Variants in KHDRBS2 observed in about 807,000 individuals in gnomAD.
KHDRBS2 encodes the protein KH domain-containing, RNA-binding, signal transduction-associated protein 2.
KHDRBS2 carries 26 observed loss-of-function variants against 44.3 expected under a neutral mutation model. The ratio of observed to expected loss-of-function variants is 0.59; its 90% CI spans 0.43 to 0.81. The LOEUF (loss-of-function observed/expected upper bound fraction) is 0.81. Among genes scored for constraint, KHDRBS2 ranks in the 40% least tolerant of loss-of-function variants. The pLI is 0.00. For missense variants in KHDRBS2, 476 were observed against 433.1 expected (o/e 1.10, Z -0.88); for synonymous variants, 194 against 151.1 (o/e 1.28, Z -2.08).
intron 3 of KHDRBS2, among the ~76,000 whole-genome samples, chr6:61,984,897 C>G (rs1452157951): frequency 2.6e-5 from 4 of 152,160 alleles, no homozygotes; most frequent in Non-Finnish European, 4.4e-5. Context: ...AAAGTATGTA[C>G]CACATTACAT....
At chr6:61,930,546 G>GAAAAAAAAAAAAAA (rs1439236595) in intron 4 of KHDRBS2, among the ~76,000 whole-genome samples, 20 of 47,596 alleles carry the variant, frequency 4.2e-4, no homozygotes, top group South Asian at 7.9e-4. Flanking sequence ...AAAAAAAAAA[G>GAAAAAAAAAAAAAA]AAAAAAAAAA....
At chr6:61,697,289 A>T (rs145961347) in intron 7 of KHDRBS2, 36 bp from the exon 8 acceptor site, 1 of 1,368,338 alleles carries the variant, frequency 7.3e-7, no homozygotes, top group Admixed American at 1.7e-5. Context: ...ATGTTACTAT[A>T]ACCAGGAAAT....
chr6:62,009,399 C>T (rs558079771), intron 3 of KHDRBS2, among the ~76,000 whole-genome samples: 1 of 152,088 alleles, frequency 6.6e-6, no homozygotes, highest in Non-Finnish European at 1.5e-5. Flanking sequence ...AGAAACAGAG[C>T]ATAAAAGTTT....
chr6:61,610,731 C>A, the KHDRBS2 span, among the ~76,000 whole-genome samples: 1 of 152,158 alleles, frequency 6.6e-6, no homozygotes, highest in African/African-American at 2.4e-5. Context: ...TTCCCAATGC[C>A]TTCTAAGACA....
rs1349613332 is a variant in KHDRBS2, at chr6:61,955,550, GTATGTATACATGTGTA to G, written c.483+22500_483+22515del. ...TATACATGTGTATATATACACATAT[GTATGTATACATGTGTA>G]TATATACACGTATGTATGTATGTAT... On this transcript the variant is annotated intron_variant, in intron 4 of 8. Transcript: ENST00000281156. 3.9e-4 allele frequency among the ~76,000 whole-genome samples: 26 copies of G among 67,440 alleles called. 5 individuals carry two copies. The South Asian group carries it at 4.0e-3, about 10-fold the overall frequency. 44.2% of individuals were successfully genotyped at this position (67,440 alleles called of 152,430 possible).
intron 6 of KHDRBS2, among the ~76,000 whole-genome samples, chr6:61,797,639 A>G (rs1411786524): frequency 2.6e-5 from 4 of 151,966 alleles, no homozygotes; most frequent in African/African-American, 9.7e-5. Context: ...CCCCACATGC[A>G]TTAACCCAAC....
intron 8 of KHDRBS2, among the ~76,000 whole-genome samples, chr6:61,695,006 A>AT (rs1767749473): frequency 6.6e-6 from 1 of 151,682 alleles, no homozygotes; most frequent in African/African-American, 2.4e-5. Context: ...TGGATTAATT[A>AT]TTTACTTTTT....
intron 6 of KHDRBS2, among the ~76,000 whole-genome samples, chr6:61,760,899 T>A (rs1419958952): frequency 6.6e-6 from 1 of 152,246 alleles, no homozygotes; most frequent in East Asian, 1.9e-4. Flanking sequence ...TGAACAGTTT[T>A]GAAATTTTCT....
intron 2 of KHDRBS2, among the ~76,000 whole-genome samples, chr6:62,104,205 C>A (rs552291497): frequency 6.6e-6 from 1 of 152,172 alleles, no homozygotes; most frequent in Non-Finnish European, 1.5e-5. Context: ...CTTTAGAACA[C>A]TCTATTCAAA....
At chr6:61,794,464 G>A (rs4710489) in intron 6 of KHDRBS2, among the ~76,000 whole-genome samples, 57,326 of 152,008 alleles carry the variant, frequency 0.38, 11,979 homozygotes, top group African/African-American at 0.57. Flanking sequence ...GCATTTGTAC[G>A]TTTTAGTGGT....
At chr6:61,829,904 T>C (rs1378614804) in intron 6 of KHDRBS2, among the ~76,000 whole-genome samples, 1 of 152,110 alleles carries the variant, frequency 6.6e-6, no homozygotes, top group Admixed American at 6.6e-5. Context: ...AACATGCAGA[T>C]AGGAGACACA....
chr6:62,138,830 G>A (rs1326624564), intron 2 of KHDRBS2, among the ~76,000 whole-genome samples: 1 of 152,078 alleles, frequency 6.6e-6, no homozygotes, highest in African/African-American at 2.4e-5. Flanking sequence ...AAAATACAAG[G>A]TTAAATATAA....
intron 8 of KHDRBS2, among the ~76,000 whole-genome samples, chr6:61,685,483 A>T (rs1035572629): frequency 6.6e-6 from 1 of 151,888 alleles, no homozygotes; most frequent in Non-Finnish European, 1.5e-5. Context: ...AGGCATTATT[A>T]GCAATTAGGT....
chr6:62,229,096 TTA>T (rs1387579228), intron 1 of KHDRBS2, among the ~76,000 whole-genome samples: 2 of 152,112 alleles, frequency 1.3e-5, no homozygotes, highest in Non-Finnish European at 2.9e-5. Context: ...TTCCTCAGAA[TTA>T]GCAGGAGGAA....
chr6:62,235,659 A>C (rs1389709105), intron 1 of KHDRBS2, among the ~76,000 whole-genome samples: 1 of 152,092 alleles, frequency 6.6e-6, no homozygotes, highest in East Asian at 1.9e-4. Context: ...AGTGACACTT[A>C]TTTAAAAGAT....
At chr6:61,693,061 T>C (rs1767541428) in intron 8 of KHDRBS2, among the ~76,000 whole-genome samples, 1 of 152,072 alleles carries the variant, frequency 6.6e-6, no homozygotes, top group African/African-American at 2.4e-5. Context: ...GATATGAGAT[T>C]TATATTTTGG....
intron 1 of KHDRBS2, among the ~76,000 whole-genome samples, chr6:62,239,529 C>T (rs1171742018): frequency 1.3e-5 from 2 of 151,866 alleles, no homozygotes; most frequent in South Asian, 2.1e-4. Context: ...GCCAAGATCA[C>T]GCTGCTGCAC....
At chr6:62,122,247 A>T (rs1807837860) in intron 2 of KHDRBS2, among the ~76,000 whole-genome samples, 1 of 152,136 alleles carries the variant, frequency 6.6e-6, no homozygotes, top group Non-Finnish European at 1.5e-5. Context: ...AATTACAGCA[A>T]AGGTCTCTAG....
intron 2 of KHDRBS2, among the ~76,000 whole-genome samples, chr6:62,094,628 T>A (rs1800176087): frequency 6.6e-6 from 1 of 151,902 alleles, no homozygotes; most frequent in Non-Finnish European, 1.5e-5. Flanking sequence ...ATCCAAAAAA[T>A]CCCTGCCTAG....
Sources: allele counts gnomAD v4.1 joint callset (sites outside exome capture counted in the v4.1 genomes callset), GRCh38; gene constraint gnomAD v4.1.1; transcripts MANE v1.5; gene names NCBI Gene and HGNC (gene_info 2026-07-23, HGNC 2026-07-21).